The following PTPN1 variants were observed in gnomAD, a reference collection of about 807,000 sequenced individuals.
PTPN1 encodes the protein protein tyrosine phosphatase non-receptor type 1.
Under a neutral mutation model 59.9 loss-of-function variants are expected in PTPN1, and 12 were observed. The ratio of observed to expected loss-of-function variants is 0.20; its 90% CI spans 0.13 to 0.32. The LOEUF is 0.32. Among genes scored for constraint, PTPN1 ranks in the 10% least tolerant of loss-of-function variants. The pLI, the probability that PTPN1 is intolerant of heterozygous loss-of-function variation, is 1.00. For missense variants in PTPN1, 356 were observed against 549.2 expected (o/e 0.65, Z 3.52); for synonymous variants, 178 against 203.6 (o/e 0.87, Z 1.07).
chr20:50,579,980 T>C (rs2082857833), intron 8 of PTPN1, 54 bp downstream of exon 8: 1 of 1,507,440 alleles, frequency 6.6e-7, no homozygotes, highest in East Asian at 2.3e-5. Flanking sequence ...CTTTCTGTTC[T>C]AGAAACACAC....
At chr20:50,523,099 G>C (rs1055772559) in intron 1 of PTPN1, among the ~76,000 whole-genome samples, 1 of 151,988 alleles carries the variant, frequency 6.6e-6, no homozygotes, top group Non-Finnish European at 1.5e-5. Context: ...ATGCCTTACC[G>C]TCTCAGATCA....
intron 1 of PTPN1, among the ~76,000 whole-genome samples, chr20:50,545,215 C>G (rs538427342): frequency 4.6e-5 from 7 of 152,232 alleles, no homozygotes; most frequent in African/African-American, 1.4e-4. Flanking sequence ...GTCAGCCCCC[C>G]AAAGTGTTGG....
At chr20:50,550,073 C>A (rs1044442457) in intron 1 of PTPN1, among the ~76,000 whole-genome samples, 1 of 151,934 alleles carries the variant, frequency 6.6e-6, no homozygotes, top group African/African-American at 2.4e-5. Context: ...CCCCACCCCC[C>A]CTTCTATATA....
intron 1 of PTPN1, among the ~76,000 whole-genome samples, chr20:50,528,124 C>T (rs1482118055): frequency 6.6e-6 from 1 of 152,162 alleles, no homozygotes; most frequent in East Asian, 1.9e-4. Flanking sequence ...TTTTACTTAA[C>T]TGATTCTCGT....
chr20:50,552,500 C>T lies in PTPN1; in HGVS notation c.64-8863C>T, dbSNP rs899266613. ...ATTGATCCCTGCAATCCCATCTGCG[C>T]GTAGCAGCCAGAAGGGATCCACTTA... On this transcript the variant is annotated intron_variant, in intron 1 of 9. Coordinates refer to ENST00000371621, the MANE Select transcript of PTPN1 (RefSeq NM_002827.4). Among the ~76,000 whole-genome samples, 7 of 152,120 alleles carry T rather than the reference C, an allele frequency of 4.6e-5. No individual in the cohort carries two copies. The East Asian group carries it at 5.8e-4, about 13-fold the overall frequency.
intron 1 of PTPN1, among the ~76,000 whole-genome samples, chr20:50,516,480 TACTCACAAATACA>T (rs2082529479): frequency 6.6e-6 from 1 of 152,248 alleles, no homozygotes; most frequent in Non-Finnish European, 1.5e-5. Flanking sequence ...ATCCTTAATG[TACTCACAAATACA>T]ATTTAATGTT....
At chr20:50,556,604 A>G (rs753290821) in intron 1 of PTPN1, among the ~76,000 whole-genome samples, 5 of 152,292 alleles carry the variant, frequency 3.3e-5, no homozygotes, top group South Asian at 2.1e-4. Context: ...TTAAATCCAA[A>G]TTGAATATGC....
At chr20:50,525,847 A>T (rs2082572794) in intron 1 of PTPN1, among the ~76,000 whole-genome samples, 3 of 152,140 alleles carry the variant, frequency 2.0e-5, no homozygotes, top group African/African-American at 7.2e-5. Context: ...TATATGGGGT[A>T]AAAGAACCAT....
chr20:50,534,934 G>GAA (rs1400169022), intron 1 of PTPN1, among the ~76,000 whole-genome samples: 1 of 104,354 alleles, frequency 9.6e-6, no homozygotes, highest in Non-Finnish European at 2.1e-5. Flanking sequence ...TCTCACTGTT[G>GAA]CTCAGGCTGG....
At chr20:50,578,255 G>C (rs2082846828) in intron 5 of PTPN1, among the ~76,000 whole-genome samples, 165 bp from the exon 6 acceptor site, 1 of 152,208 alleles carries the variant, frequency 6.6e-6, no homozygotes, top group Non-Finnish European at 1.5e-5. Context: ...CCTGGCCCCA[G>C]GGTGTGGTAT....
intron 3 of PTPN1, among the ~76,000 whole-genome samples, chr20:50,565,996 C>T (rs1310980949): frequency 6.6e-6 from 1 of 152,204 alleles, no homozygotes; most frequent in Non-Finnish European, 1.5e-5. Flanking sequence ...AGTTCCTCCC[C>T]ATTTATGACT....
intron 3 of PTPN1, among the ~76,000 whole-genome samples, chr20:50,567,538 G>A (rs943836505): frequency 2.6e-5 from 4 of 152,316 alleles, no homozygotes; most frequent in African/African-American, 9.6e-5. Context: ...GGAGGTGATA[G>A]GCAATGTCTC....
At chr20:50,553,195 T>TAATC (rs1426907410) in intron 1 of PTPN1, among the ~76,000 whole-genome samples, 7 of 152,364 alleles carry the variant, frequency 4.6e-5, no homozygotes, top group Non-Finnish European at 1.0e-4. Context: ...GACACTCTGA[T>TAATC]ATCTAATTTT....
At chr20:50,559,516 T>C (rs1009031436) in intron 1 of PTPN1, among the ~76,000 whole-genome samples, 2 of 152,238 alleles carry the variant, frequency 1.3e-5, no homozygotes, top group Non-Finnish European at 2.9e-5. Context: ...TTGCAATTAC[T>C]GTGCCTTAGA....
chr20:50,545,641 C>CT (rs1412188382), intron 1 of PTPN1, among the ~76,000 whole-genome samples: 6 of 152,134 alleles, frequency 3.9e-5, no homozygotes, highest in Non-Finnish European at 8.8e-5. Flanking sequence ...TGCCAGAACT[C>CT]TTAATACCCA....
intron 1 of PTPN1, among the ~76,000 whole-genome samples, chr20:50,522,160 CT>C (rs2122724945): frequency 6.6e-6 from 1 of 152,290 alleles, no homozygotes; most frequent in Admixed American, 6.5e-5. Context: ...CCCGCCCTTC[CT>C]CTTTTCTCTT....
At chr20:50,542,373 T>G (rs548289177) in intron 1 of PTPN1, among the ~76,000 whole-genome samples, 18 of 152,206 alleles carry the variant, frequency 1.2e-4, no homozygotes, top group Admixed American at 2.0e-4. Flanking sequence ...CACATTCTAA[T>G]AGTGATTTTT....
At chr20:50,578,396 A>AT (rs764624954) in intron 5 of PTPN1, 24 bp from the exon 6 acceptor site, 1 of 1,578,374 alleles carries the variant, frequency 6.3e-7, no homozygotes, top group East Asian at 2.2e-5. Context: ...TTTTAGAATC[A>AT]TCATGAGTAT....
intron 1 of PTPN1, among the ~76,000 whole-genome samples, chr20:50,529,759 G>C (rs1346479000): frequency 6.6e-6 from 1 of 152,122 alleles, no homozygotes; most frequent in African/African-American, 2.4e-5. Context: ...TCAAAAACTT[G>C]TTCTTGACTA....
Sources: gnomAD v4.1 joint callset for allele counts (sites outside exome capture counted in the v4.1 genomes callset) on GRCh38, gnomAD v4.1.1 for gene constraint, MANE v1.5 for transcripts, NCBI Gene and HGNC (gene_info 2026-07-23, HGNC 2026-07-21) for gene names.